The following GRID1 variants were observed in gnomAD, a reference collection of about 807,000 sequenced individuals.
GRID1 encodes the protein glutamate receptor ionotropic, delta-1.
In GRID1, 28 loss-of-function variants were observed where a neutral mutation model predicts 98.0. The observed-to-expected ratio is 0.29, with a 90% CI of 0.21 to 0.39. The LOEUF (loss-of-function observed/expected upper bound fraction) is 0.39. Among genes scored for constraint, GRID1 ranks in the 10% least tolerant of loss-of-function variants. GRID1 has a pLI of 1.00. For missense variants in GRID1, 1,111 were observed against 1,340.5 expected, an observed-to-expected ratio of 0.83 and a Z score of 2.67; for synonymous variants, 553 against 538.5, an observed-to-expected ratio of 1.03 and a Z score of -0.37.
intron 2 of GRID1, among the ~76,000 whole-genome samples, chr10:86,304,982 A>T (rs1403641422): frequency 1.3e-5 from 2 of 152,124 alleles, no homozygotes; most frequent in African/African-American, 4.8e-5. Flanking sequence ...TTATTTCGTC[A>T]AACATGAGTC....
chr10:85,723,724 C>G (rs536742908), intron 11 of GRID1, among the ~76,000 whole-genome samples: 2 of 152,220 alleles, frequency 1.3e-5, no homozygotes, highest in Admixed American at 1.3e-4. Flanking sequence ...TCTTTGAGGC[C>G]AATTATTTCT....
intron 4 of GRID1, among the ~76,000 whole-genome samples, chr10:86,072,199 G>A (rs1356789016): frequency 1.3e-5 from 2 of 152,156 alleles, no homozygotes; most frequent in African/African-American, 4.8e-5. Context: ...AGACGTTCAA[G>A]TTTAAGGTAG....
At chr10:85,684,008 A>C (rs1841240140) in intron 12 of GRID1, among the ~76,000 whole-genome samples, 1 of 152,220 alleles carries the variant, frequency 6.6e-6, no homozygotes, top group Admixed American at 6.5e-5. Flanking sequence ...TATGTATAAA[A>C]ATTCCAGAAC....
chr10:85,683,080 C>G (rs1841229240), intron 12 of GRID1, among the ~76,000 whole-genome samples: 1 of 152,200 alleles, frequency 6.6e-6, no homozygotes, highest in Non-Finnish European at 1.5e-5. Flanking sequence ...AGCCCTCGCA[C>G]TCAGCTTACC....
chr10:85,604,886 T>G (rs975008860), intron 15 of GRID1, among the ~76,000 whole-genome samples: 6 of 152,240 alleles, frequency 3.9e-5, no homozygotes, highest in African/African-American at 1.4e-4. Flanking sequence ...CTATGGTTTA[T>G]TGCTTTTAGG....
intron 5 of GRID1, among the ~76,000 whole-genome samples, chr10:85,875,467 T>C (rs962681215): frequency 3.9e-5 from 6 of 152,208 alleles, no homozygotes; most frequent in Non-Finnish European, 4.4e-5. Context: ...AGTAGAAATT[T>C]CAATCCATTT....
chr10:85,881,883 A>G (rs910742970), intron 5 of GRID1, among the ~76,000 whole-genome samples: 29 of 152,178 alleles, frequency 1.9e-4, no homozygotes, highest in African/African-American at 7.0e-4. Flanking sequence ...CATCTGACAA[A>G]GGGCTACTAT....
rs184966443 is a variant in GRID1, at chr10:86,349,000, C to T, written c.235+14941G>A. On this transcript the variant is annotated intron_variant, in intron 2 of 15. Transcript: ENST00000327946. Reference sequence around the variant, plus strand: ...CAGCTCCTGCTTCCTCAGAGGCCCGCGTGGTGGCAGCAGTGGCTGCTGGCT... The same window carrying T: ...CAGCTCCTGCTTCCTCAGAGGCCCGTGTGGTGGCAGCAGTGGCTGCTGGCT... Among the ~76,000 whole-genome samples, 258 of 152,368 alleles carry T rather than the reference C, an allele frequency of 1.7e-3. 1 individual carries two copies. In the Middle Eastern group the frequency reaches 0.017, roughly 10 times the overall value.
intron 2 of GRID1, among the ~76,000 whole-genome samples, chr10:86,255,272 A>C (rs894460379): frequency 6.6e-6 from 1 of 152,260 alleles, no homozygotes; most frequent in African/African-American, 2.4e-5. Flanking sequence ...TAATTAAAAC[A>C]AACTGTGTCC....
intron 12 of GRID1, chr10:85,709,000 A>G (rs867699330): frequency 4.2e-5 from 11 of 264,966 alleles, no homozygotes; most frequent in Admixed American, 9.3e-5. Flanking sequence ...TTTGAATAGA[A>G]AATTTCCTCA....
intron 8 of GRID1, among the ~76,000 whole-genome samples, chr10:85,730,396 C>T (rs1018598719): frequency 6.6e-5 from 10 of 152,154 alleles, no homozygotes; most frequent in Admixed American, 3.3e-4. Flanking sequence ...GTCTGGGAAA[C>T]GATTCTCGAC....
Position 86,365,507 on chromosome 10 carries a change from TTCTC to T in GRID1, c.79+803_79+806del, listed in dbSNP as rs561312714. On this transcript the variant is annotated intron_variant, in intron 1 of 15. Coordinates refer to ENST00000327946, the MANE Select transcript of GRID1 (RefSeq NM_017551.3). The surrounding 1 kb of genome is among the most constrained non-coding windows in gnomAD (Gnocchi z 4.8). ...TCTGCGCTTTCATCTTCTCTCCCGG[TTCTC>T]TCTCTCTATCCATCTCTTCCCGCTC... 1.4e-5 allele frequency among the ~76,000 whole-genome samples: 2 copies of T among 145,624 alleles called. No individual in the cohort carries two copies. Among genetic ancestry groups the T allele is most frequent in the Non-Finnish European group, 3.0e-5 (2 of 66,230 alleles).
At chr10:85,921,506 T>G (rs1841703110) in intron 4 of GRID1, among the ~76,000 whole-genome samples, 1 of 152,212 alleles carries the variant, frequency 6.6e-6, no homozygotes, top group South Asian at 2.1e-4. Flanking sequence ...AGAGGACATT[T>G]GGGTCCTGCC....
intron 4 of GRID1, among the ~76,000 whole-genome samples, chr10:86,033,330 C>T (rs552557692): frequency 1.9e-4 from 28 of 150,582 alleles, no homozygotes; most frequent in African/African-American, 5.3e-4. Context: ...ACTTGCTGCC[C>T]GGCTTGGTAC....
At chr10:85,747,280 A>G (rs1331567056) in intron 8 of GRID1, among the ~76,000 whole-genome samples, 1 of 152,146 alleles carries the variant, frequency 6.6e-6, no homozygotes, top group Admixed American at 6.6e-5. Flanking sequence ...TAATGGAGGA[A>G]GAAATAAAGG....
At chr10:85,691,461 C>T (rs1182349141) in intron 12 of GRID1, among the ~76,000 whole-genome samples, 1 of 152,152 alleles carries the variant, frequency 6.6e-6, no homozygotes, top group Admixed American at 6.5e-5. Flanking sequence ...TCGTAGTGAG[C>T]CCCTGGCATC....
rs115981246 is a variant in GRID1, at chr10:86,279,095, G to T, written c.236-72447C>A. On this transcript the variant is annotated intron_variant, in intron 2 of 15. Transcript: ENST00000327946. ...TCTTTGGAAGGAAATTGGGTCATGA[G>T]GGTGGAGCTCTCATGAATGTTATGA... Among the ~76,000 whole-genome samples the T allele has an allele frequency of 2.7e-3, 411 of 152,292 alleles. 2 individuals are homozygous for T. Among genetic ancestry groups the T allele is most frequent in the African/African-American group, 9.3e-3 (385 of 41,540 alleles).
chr10:86,177,574 A>T (rs1226648694), intron 3 of GRID1, among the ~76,000 whole-genome samples: 3 of 152,056 alleles, frequency 2.0e-5, no homozygotes, highest in Non-Finnish European at 4.4e-5. Flanking sequence ...GTATGTGTGT[A>T]TGTGCATGAG....
intron 12 of GRID1, among the ~76,000 whole-genome samples, chr10:85,715,360 G>A (rs1218900582): frequency 6.6e-6 from 1 of 152,090 alleles, no homozygotes; most frequent in Non-Finnish European, 1.5e-5. Context: ...GGCAACAAAA[G>A]CAACAATAGA....
Sources: gnomAD v4.1 joint callset for allele counts (sites outside exome capture counted in the v4.1 genomes callset) on GRCh38, gnomAD v4.1.1 for gene constraint, Gnocchi (gnomAD v3.1) non-coding constraint, MANE v1.5 for transcripts, NCBI Gene and HGNC (gene_info 2026-07-23, HGNC 2026-07-21) for gene names.